The following TBCD variants were observed in gnomAD, a reference collection of about 807,000 sequenced individuals.
TBCD encodes the protein tubulin-specific chaperone D.
TBCD carries 105 observed loss-of-function variants against 169.3 expected under a neutral mutation model. That is an observed-to-expected ratio of 0.62 (90% CI 0.53 to 0.73). The LOEUF (loss-of-function observed/expected upper bound fraction) is 0.73, where lower values mean the gene tolerates loss of function less well. Ranked by LOEUF, TBCD falls within the 30% of genes least tolerant of loss-of-function variation. The probability of loss-of-function intolerance (pLI) is 0.00; values close to 1 mark genes in which losing one functional copy is unlikely to be tolerated. For missense variants in TBCD, 1,444 were observed against 1,600.1 expected (o/e 0.90, Z 1.66); for synonymous variants, 700 against 643.9 (o/e 1.09, Z -1.32).
chr17:82,881,966 T>A (rs1390748889), intron 14 of TBCD, among the ~76,000 whole-genome samples: 1 of 151,888 alleles, frequency 6.6e-6, no homozygotes, highest in Non-Finnish European at 1.5e-5. Flanking sequence ...CTGTGAGACT[T>A]GCAGGCATTT....
At chr17:82,894,165 AG>A (rs1756240697) in intron 17 of TBCD, among the ~76,000 whole-genome samples, 1 of 58,824 alleles carries the variant, frequency 1.7e-5, no homozygotes, top group African/African-American at 1.1e-4. Context: ...GAGGTATTTT[AG>A]AAATCAGGTT....
intron 23 of TBCD, among the ~76,000 whole-genome samples, chr17:82,917,019 C>CTTTTTTTTTTTTTTTTTTTTTTTTTTT (rs59331670): frequency 9.2e-6 from 1 of 108,518 alleles, no homozygotes. Context: ...TTTTTCTTTT[C>CTTTTTTTTTTTTTTTTTTTTTTTTTTT]TTTTCTTTTT....
At chr17:82,934,729 C>T (rs1296086639) in intron 34 of TBCD, among the ~76,000 whole-genome samples, 1 of 152,092 alleles carries the variant, frequency 6.6e-6, no homozygotes, top group African/African-American at 2.4e-5. Context: ...ACTTCTGCCT[C>T]CCAAAGTGCT....
intron 13 of TBCD, among the ~76,000 whole-genome samples, chr17:82,818,025 A>G (rs1405933317): frequency 2.6e-5 from 4 of 152,214 alleles, no homozygotes; most frequent in Admixed American, 1.3e-4. Context: ...GTTCACTCAA[A>G]GGAGACAAGA....
At chr17:82,781,073 A>G (rs1240876588) in intron 6 of TBCD, among the ~76,000 whole-genome samples, 1 of 151,892 alleles carries the variant, frequency 6.6e-6, no homozygotes, top group Non-Finnish European at 1.5e-5. Context: ...GAAGACTTTC[A>G]TGGGGCTACA....
chr17:82,829,806 AAC>A (rs951122862), intron 13 of TBCD: 5 of 289,992 alleles, frequency 1.7e-5, no homozygotes, highest in African/African-American at 1.1e-4. Context: ...CTAATAGAAA[AAC>A]AGTTAAAACA....
At chr17:82,875,926 G>T (rs916705412) in intron 14 of TBCD, among the ~76,000 whole-genome samples, 3 of 152,258 alleles carry the variant, frequency 2.0e-5, no homozygotes, top group Admixed American at 6.5e-5. Flanking sequence ...GTTCTTGGGG[G>T]TTAGGAAAAT....
Position 82,929,183 on chromosome 17 carries a change from G to A in TBCD, c.2764G>A (p.Ala922Thr), listed in dbSNP as rs745410700. 52 of 1,613,606 alleles carry A rather than the reference G, an allele frequency of 3.2e-5. No individual in the cohort carries two copies. Among genetic ancestry groups the A allele is most frequent in the East Asian group, 1.8e-4 (8 of 44,882 alleles). ...EKIDRFRAHA[A>T]SVFLTLLHFD... The stretch of plus-strand genomic sequence containing the variant: ...GATTGACCGTTTCCGTGCTCACGCC[G>A]CCAGCGTGTTCCTGACGCTCCTGCA... Residue 922 changes from alanine to threonine, a missense_variant, in exon 31 of 39, where the codon GCC becomes ACC. By Grantham distance (58) the Ala-to-Thr change is moderately conservative (BLOSUM62 0). Coordinates refer to ENST00000355528, the MANE Select transcript of TBCD (RefSeq NM_005993.5).
intron 18 of TBCD, among the ~76,000 whole-genome samples, chr17:82,901,811 C>T (rs1255396505): frequency 2.0e-5 from 3 of 152,204 alleles, no homozygotes; most frequent in African/African-American, 4.8e-5. Context: ...GTGTGAATTC[C>T]TGAGACTCGG....
chr17:82,849,937 GCTGTGCTGTTGTTGC>G (rs2055520243), intron 13 of TBCD, among the ~76,000 whole-genome samples: 4 of 150,350 alleles, frequency 2.7e-5, no homozygotes, highest in African/African-American at 9.8e-5. Context: ...TTTGCTGTTG[GCTGTGCTGTTGTTGC>G]CTGTGCTGCT....
chr17:82,841,636 T>C (rs1247110233), intron 13 of TBCD, among the ~76,000 whole-genome samples: 2 of 152,222 alleles, frequency 1.3e-5, no homozygotes, highest in Non-Finnish European at 2.9e-5. Flanking sequence ...CAGTTCCCTG[T>C]CCCTCTTACC....
intron 9 of TBCD, among the ~76,000 whole-genome samples, chr17:82,802,642 GATTGCCAGGCAGGAGGGCTTCCC>G (rs1340097237): frequency 6.6e-6 from 1 of 152,238 alleles, no homozygotes; most frequent in Non-Finnish European, 1.5e-5. Flanking sequence ...CCAGTTGAGA[GATTGCCAGGCAGGAGGGCTTCCC>G]CCCTCCTCAG....
At chr17:82,942,058 C>A in intron 38 of TBCD, 1 of 341,124 alleles carries the variant, frequency 2.9e-6, no homozygotes, top group Admixed American at 4.9e-5. Flanking sequence ...TGTCTAGATA[C>A]ATGGGGGCAG....
intron 2 of TBCD, among the ~76,000 whole-genome samples, chr17:82,757,138 G>A (rs1200417514): frequency 1.3e-5 from 2 of 152,196 alleles, no homozygotes; most frequent in Non-Finnish European, 2.9e-5. Flanking sequence ...CACCCTGGGT[G>A]GGGGCACCCT....
chr17:82,826,664 C>T (rs1239244195), intron 13 of TBCD, among the ~76,000 whole-genome samples: 1 of 152,362 alleles, frequency 6.6e-6, no homozygotes, highest in East Asian at 1.9e-4. Context: ...AGTCCTCTCA[C>T]CTCAGCCTCC....
chr17:82,910,958 T>C (rs1202935078), intron 22 of TBCD, among the ~76,000 whole-genome samples: 1 of 152,182 alleles, frequency 6.6e-6, no homozygotes, highest in Non-Finnish European at 1.5e-5. Context: ...TTCTGCCTCC[T>C]AGTCCTTCCA....
chr17:82,932,966 C>G (rs190517443), intron 34 of TBCD: 299 of 542,588 alleles, frequency 5.5e-4, no homozygotes, highest in African/African-American at 5.3e-3. Flanking sequence ...TCAGCCCCAT[C>G]TGGGGCTGAG....
In TBCD at chr17:82,921,335, T is replaced by C. The variant is rs1489527254; in HGVS notation, c.2102-166T>C. 6.2e-6 allele frequency: 4 copies of C among 645,920 alleles called. 1 individual carries two copies. Among genetic ancestry groups the C allele is most frequent in the South Asian group, 3.7e-5 (2 of 54,616 alleles). 40.0% of individuals were successfully genotyped at this position (645,920 alleles called of 1,614,324 possible). A position where few individuals can be genotyped will look rare whatever the true frequency, so the allele number is the denominator to read the frequency against. ...TAACAGCCATGAGAGGAAGGGGCCT[T>C]AGACTTAACACAACGTGGAGAATGT... is the stretch of plus-strand genomic sequence containing the variant. On this transcript the variant is annotated intron_variant, in intron 24 of 38. Coordinates refer to ENST00000355528, the MANE Select transcript of TBCD (RefSeq NM_005993.5).
chr17:82,838,716 A>T (rs2054196486), intron 13 of TBCD: 1 of 985,416 alleles, frequency 1.0e-6, no homozygotes, highest in Non-Finnish European at 1.2e-6. Flanking sequence ...CCTCAGGACA[A>T]CCAAGACCTG....
Sources: gnomAD v4.1 joint callset for allele counts (sites outside exome capture counted in the v4.1 genomes callset) on GRCh38, gnomAD v4.1.1 for gene constraint, MANE v1.5 for transcripts, NCBI Gene and HGNC (gene_info 2026-07-23, HGNC 2026-07-21) for gene names.